Variants in EIPR1 observed in about 807,000 individuals in gnomAD.
The protein encoded by EIPR1 is EARP complex and GARP complex interacting protein 1.
Under a neutral mutation model 48.1 loss-of-function variants are expected in EIPR1, and 25 were observed. That is an observed-to-expected ratio of 0.52 (90% confidence interval 0.38 to 0.73). The LOEUF is 0.73. Among genes scored for constraint, EIPR1 ranks in the 30% least tolerant of loss-of-function variants. The pLI is 0.00. For missense variants in EIPR1, 415 were observed against 506.2 expected (o/e 0.82, Z 1.73); for synonymous variants, 204 against 201.9 (o/e 1.01, Z -0.09).
At chr2:3,199,072 G>T (rs6548127) in intron 5 of EIPR1, among the ~76,000 whole-genome samples, 6 of 24,404 alleles carry the variant, frequency 2.5e-4, no homozygotes, top group Non-Finnish European at 4.4e-4. Context: ...CCCCCCCCCC[G>T]CCCCGGGAAT....
At chr2:3,220,393 A>G (rs1665838478) in intron 4 of EIPR1, among the ~76,000 whole-genome samples, 1 of 151,330 alleles carries the variant, frequency 6.6e-6, no homozygotes, top group South Asian at 2.1e-4. Context: ...CGTGCACACA[A>G]TGGCTGTAGT....
intron 4 of EIPR1, among the ~76,000 whole-genome samples, chr2:3,227,388 C>T (rs1292245984): frequency 6.6e-6 from 1 of 152,156 alleles, no homozygotes; most frequent in African/African-American, 2.4e-5. Flanking sequence ...TGGCATTTTG[C>T]CCCCACCTGA....
At chr2:3,194,367 G>T in intron 6 of EIPR1, 2 of 556,846 alleles carry the variant, frequency 3.6e-6, no homozygotes, top group Non-Finnish European at 6.3e-6. Flanking sequence ...GTCGCACCAC[G>T]CTCATCTCTC....
chr2:3,374,623 G>C (rs1466578400), intron 1 of EIPR1, among the ~76,000 whole-genome samples: 5 of 152,084 alleles, frequency 3.3e-5, no homozygotes, highest in Middle Eastern at 3.4e-3. Context: ...AAAGACACAT[G>C]AAAAAATGCT....
chr2:3,294,627 C>G (rs970440967), intron 3 of EIPR1, among the ~76,000 whole-genome samples: 2 of 146,210 alleles, frequency 1.4e-5, no homozygotes, highest in African/African-American at 5.1e-5. Flanking sequence ...CACACACACC[C>G]TCCATCCAGC....
chr2:3,317,908 C>G (rs920703031), intron 3 of EIPR1, among the ~76,000 whole-genome samples: 1 of 152,228 alleles, frequency 6.6e-6, no homozygotes, highest in Non-Finnish European at 1.5e-5. Context: ...CCTCCAGACC[C>G]GGGAGGAAAT....
At chr2:3,348,407 A>C (rs957140565) in intron 2 of EIPR1, among the ~76,000 whole-genome samples, 1 of 152,156 alleles carries the variant, frequency 6.6e-6, no homozygotes, top group Non-Finnish European at 1.5e-5. Flanking sequence ...ATACAGGGAA[A>C]GTCTGTGGGA....
chr2:3,257,392 C>A lies in EIPR1; in HGVS notation c.323G>T (p.Gly108Val). 1 of 1,614,150 alleles carries A rather than the reference C, an allele frequency of 6.2e-7. No homozygotes were observed. The highest frequency in any genetic ancestry group is 8.5e-7 in the Non-Finnish European group (1 of 1,180,032). Reference sequence around the variant, plus strand: ...TGAATCATCAGGGGACTCGTGGCTGCCTGATTCCAATTCCTTCGGCATCCT... The same window carrying A: ...TGAATCATCAGGGGACTCGTGGCTGACTGATTCCAATTCCTTCGGCATCCT... ...VWRMPKELES[G>V]SHESPDDSSS... The change falls in exon 4 of 9, where the codon GGC (glycine) becomes GTC (valine). Residue 108 changes from glycine to valine, a missense_variant. By Grantham distance (109) the Gly-to-Val change is moderately radical (BLOSUM62 -3). Coordinates refer to ENST00000382125, the MANE Select transcript of EIPR1 (RefSeq NM_003310.5).
In EIPR1 at chr2:3,194,001, G is replaced by A. The variant is rs367761904; in HGVS notation, c.819C>T (p.His273=). 1.5e-5 allele frequency: 24 copies of A among 1,613,500 alleles called. No homozygotes were observed. The highest frequency in any genetic ancestry group is 6.7e-5 in the Admixed American group (4 of 60,002). ...EPVKTLEEHS[H]WVWNVRYNHS... ...GAAGCAGCCAGGAGCGGCCCTACCA[G>A]TGGGAGTGCTCCTCCAGGGTCTTCA... The change falls in exon 7 of 9, where the codon CAC becomes CAT. Residue 273 remains histidine, a splice_region_variant and synonymous_variant. Transcript: ENST00000382125.
chr2:3,302,164 C>T (rs947074442), intron 3 of EIPR1, among the ~76,000 whole-genome samples: 16 of 152,190 alleles, frequency 1.1e-4, no homozygotes, highest in Non-Finnish European at 2.1e-4. Flanking sequence ...GAAAACTTTC[C>T]GGCATACAGC....
chr2:3,260,143 A>G (rs1667281719), intron 3 of EIPR1, among the ~76,000 whole-genome samples: 1 of 152,220 alleles, frequency 6.6e-6, no homozygotes, highest in Non-Finnish European at 1.5e-5. Context: ...ATTAAAATTT[A>G]AAACTTCTTT....
intron 3 of EIPR1, chr2:3,319,802 TGCGG>T (rs1669450708): frequency 2.1e-4 from 31 of 147,298 alleles, no homozygotes; most frequent in African/African-American, 8.9e-4. Flanking sequence ...ACACCACCCC[TGCGG>T]GCAACACCGC....
chr2:3,301,315 G>A (rs114605423), intron 3 of EIPR1: 5,139 of 152,306 alleles, frequency 0.034, 132 homozygotes, highest in Non-Finnish European at 0.052. Context: ...CAAGCATGGA[G>A]GCAGGTCCCG....
chr2:3,296,613 C>A (rs1162874750), intron 3 of EIPR1, among the ~76,000 whole-genome samples: 1 of 149,042 alleles, frequency 6.7e-6, no homozygotes, highest in African/African-American at 2.5e-5. Flanking sequence ...CTCCATCCAG[C>A]CCATCCTCTC....
At chr2:3,222,777 A>G (rs550078933) in intron 4 of EIPR1, among the ~76,000 whole-genome samples, 22 of 152,304 alleles carry the variant, frequency 1.4e-4, no homozygotes, top group Admixed American at 1.2e-3. Flanking sequence ...GCATGATGAC[A>G]TCGTGGATTC....
intron 6 of EIPR1, 80 bp from the exon 7 acceptor site, chr2:3,194,246 T>C: frequency 6.5e-7 from 1 of 1,545,852 alleles, no homozygotes; most frequent in Non-Finnish European, 8.8e-7. Flanking sequence ...CACACACTGG[T>C]TTCCCGGGAC....
intron 3 of EIPR1, among the ~76,000 whole-genome samples, chr2:3,326,907 T>G (rs1669714359): frequency 6.6e-6 from 1 of 152,262 alleles, no homozygotes; most frequent in South Asian, 2.1e-4. Flanking sequence ...GCAAAATGGC[T>G]GATCCCTCAA....
intron 3 of EIPR1, among the ~76,000 whole-genome samples, chr2:3,306,217 TG>T (rs1448046835): frequency 6.6e-6 from 1 of 152,236 alleles, no homozygotes; most frequent in Non-Finnish European, 1.5e-5. Flanking sequence ...TTGGCTCCTC[TG>T]AACAGCGCTG....
intron 4 of EIPR1, among the ~76,000 whole-genome samples, chr2:3,256,240 T>C (rs921241163): frequency 6.6e-6 from 1 of 152,232 alleles, no homozygotes; most frequent in East Asian, 1.9e-4. Flanking sequence ...GAGTCGGTCC[T>C]CAGTCCCCGT....
Sources: allele counts gnomAD v4.1 joint callset (sites outside exome capture counted in the v4.1 genomes callset), GRCh38; gene constraint gnomAD v4.1.1; transcripts MANE v1.5; gene names NCBI Gene and HGNC (gene_info 2026-07-23, HGNC 2026-07-21).